The following CACNA1E variants were observed in gnomAD, a reference collection of about 807,000 sequenced individuals.
CACNA1E encodes the protein calcium voltage-gated channel subunit alpha1 E.
Under a neutral mutation model 259.2 loss-of-function variants are expected in CACNA1E, and 40 were observed. That is an observed-to-expected ratio of 0.15 (90% CI 0.12 to 0.20). The LOEUF is 0.20. Among genes scored for constraint, CACNA1E ranks in the 10% least tolerant of loss-of-function variants. The probability of loss-of-function intolerance (pLI) is 1.00; values close to 1 mark genes in which losing one functional copy is unlikely to be tolerated. For missense variants in CACNA1E, 1,874 were observed against 3,040.1 expected (o/e 0.62, Z 9.02); for synonymous variants, 1,104 against 1,138.5 (o/e 0.97, Z 0.61).
intron 3 of CACNA1E, among the ~76,000 whole-genome samples, chr1:181,571,224 A>G (rs1381729874): frequency 1.3e-5 from 2 of 152,222 alleles, no homozygotes; most frequent in African/African-American, 4.8e-5. Context: ...CCTGACAGCT[A>G]GTATAGGTGA....
intron 7 of CACNA1E, among the ~76,000 whole-genome samples, 182 bp from the exon 8 acceptor site, chr1:181,710,772 A>C (rs903314632): frequency 6.6e-6 from 1 of 152,190 alleles, no homozygotes; most frequent in African/African-American, 2.4e-5. Context: ...TGTGAGGCTG[A>C]ATGAGGTGTG....
chr1:181,701,798 G>C (rs138357769), intron 7 of CACNA1E, among the ~76,000 whole-genome samples: 1 of 152,320 alleles, frequency 6.6e-6, no homozygotes, highest in Non-Finnish European at 1.5e-5. Context: ...ACTTATGGGA[G>C]GGATTCATGA....
intron 3 of CACNA1E, among the ~76,000 whole-genome samples, chr1:181,556,390 C>T (rs1300494198): frequency 1.3e-5 from 2 of 152,212 alleles, no homozygotes; most frequent in Non-Finnish European, 2.9e-5. Flanking sequence ...ACAACCCCCT[C>T]TAGAGCAAGG....
In CACNA1E at chr1:181,741,065, T is replaced by C. The variant is rs568161899; in HGVS notation, c.3719+1812T>C. ...AGTTCCCTTTCATTTTACTAATTCA[T>C]TTGCATAGATTATTCACTGTATCAT... On this transcript the variant is annotated intron_variant, in intron 25 of 47. Transcript: ENST00000367573. 2.6e-5 allele frequency among the ~76,000 whole-genome samples: 4 copies of C among 152,364 alleles called. No homozygotes were observed. The South Asian group carries it at 6.2e-4, about 24-fold the overall frequency.
intron 1 of CACNA1E, among the ~76,000 whole-genome samples, chr1:181,350,537 C>T (rs538708586): frequency 3.3e-5 from 5 of 152,270 alleles, no homozygotes; most frequent in South Asian, 4.1e-4. Context: ...CACAAGGACT[C>T]GCAGAGCTCA....
At chr1:181,463,333 G>C (rs1661944695) in intron 2 of CACNA1E, among the ~76,000 whole-genome samples, 1 of 152,082 alleles carries the variant, frequency 6.6e-6, no homozygotes, top group Non-Finnish European at 1.5e-5. Flanking sequence ...GACTCTGGTT[G>C]ACTGAGGGTA....
At chr1:181,631,410 A>C (rs1387799511) in intron 6 of CACNA1E, among the ~76,000 whole-genome samples, 1 of 152,096 alleles carries the variant, frequency 6.6e-6, no homozygotes, top group Non-Finnish European at 1.5e-5. Context: ...TATGCCTTGA[A>C]TCCTTGCAGT....
At chr1:181,790,339 G>A (rs1661192063) in intron 43 of CACNA1E, 106 bp from the exon 44 acceptor site, 1 of 585,748 alleles carries the variant, frequency 1.7e-6, no homozygotes. Context: ...TAAGTTACTA[G>A]GTTTACAAAA....
rs1161320918 is a variant in CACNA1E at position 181,806,041 on chromosome 1, T to C, written c.*7207T>C. The stretch of plus-strand genomic sequence containing the variant: ...TTAAACTCACCTAGGGTAGTGGCTT[T>C]GAAGGCCTCAGAGGATTAATAGATT... On this transcript the variant is annotated 3_prime_UTR_variant, in exon 48 of 48. Transcript: ENST00000367573. 1 of 152,236 alleles carries C rather than the reference T, an allele frequency of 6.6e-6. No individual in the cohort carries two copies. The highest frequency in any genetic ancestry group is 2.4e-5 in the African/African-American group (1 of 41,450). 9.4% of individuals were successfully genotyped at this position (152,236 alleles called of 1,614,324 possible).
chr1:181,342,842 C>T (rs545228584), intron 1 of CACNA1E, among the ~76,000 whole-genome samples: 1 of 152,238 alleles, frequency 6.6e-6, no homozygotes, highest in South Asian at 2.1e-4. Context: ...TGGGTGCTTC[C>T]ACATGTGCTC....
chr1:181,424,897 C>T (rs571660787), intron 2 of CACNA1E, among the ~76,000 whole-genome samples: 28 of 152,228 alleles, frequency 1.8e-4, no homozygotes, highest in South Asian at 4.2e-4. Flanking sequence ...AATCAGTCCC[C>T]TCTCTCCCAC....
chr1:181,567,198 C>T (rs983800652), intron 3 of CACNA1E, among the ~76,000 whole-genome samples: 1 of 152,048 alleles, frequency 6.6e-6, no homozygotes, highest in African/African-American at 2.4e-5. Flanking sequence ...ATTATGAATG[C>T]CATTTTAAAT....
intron 38 of CACNA1E, among the ~76,000 whole-genome samples, chr1:181,778,204 T>A (rs1416183022): frequency 1.3e-5 from 2 of 152,192 alleles, no homozygotes; most frequent in Non-Finnish European, 2.9e-5. Context: ...ACAAAAGTAA[T>A]GTGAGCCAGT....
intron 1 of CACNA1E, among the ~76,000 whole-genome samples, chr1:181,341,008 T>G (rs376795126): frequency 6.6e-6 from 1 of 152,244 alleles, no homozygotes. Context: ...CTTGGCAGAT[T>G]AAGAAGCCCG....
chr1:181,545,819 A>AT (rs1647388805), intron 3 of CACNA1E, among the ~76,000 whole-genome samples: 1 of 151,956 alleles, frequency 6.6e-6, no homozygotes, highest in Non-Finnish European at 1.5e-5. Context: ...AAGATGATTT[A>AT]TTTTTTTCTT....
intron 32 of CACNA1E, among the ~76,000 whole-genome samples, chr1:181,759,458 A>G (rs1024066653): frequency 6.6e-6 from 1 of 150,620 alleles, no homozygotes; most frequent in African/African-American, 2.5e-5. Flanking sequence ...TCTGGAATTA[A>G]GTTTGAGGAG....
chr1:181,525,168 G>C (rs897333195), intron 3 of CACNA1E, among the ~76,000 whole-genome samples: 1 of 152,196 alleles, frequency 6.6e-6, no homozygotes, highest in Admixed American at 6.5e-5. Flanking sequence ...GAATAAATGT[G>C]CTCTACTCTG....
intron 44 of CACNA1E, among the ~76,000 whole-genome samples, chr1:181,791,123 T>TAACA (rs1006847704): frequency 2.6e-5 from 4 of 152,192 alleles, no homozygotes; most frequent in African/African-American, 9.6e-5. Flanking sequence ...AAAGACATTC[T>TAACA]AACAGGCCAC....
At position 181,490,524 on chromosome 1, in the gene CACNA1E, T is replaced by C. The variant is rs576356070; in HGVS notation, c.266+6514T>C. Among the ~76,000 whole-genome samples, 13 of 148,584 alleles carry C rather than the reference T, an allele frequency of 8.7e-5. No homozygotes were observed. In the East Asian group the frequency reaches 2.6e-3, roughly 30 times the overall value. ...TGAGGCTTCAGAGAGAGGCCCTGCC[T>C]GGCACCTGTGCCAAGCATGTTTTTT... On this transcript the variant is annotated intron_variant, in intron 1 of 47. Coordinates refer to ENST00000367573, the MANE Select transcript of CACNA1E (RefSeq NM_001205293.3).
Sources: allele counts gnomAD v4.1 joint callset (sites outside exome capture counted in the v4.1 genomes callset), GRCh38; gene constraint gnomAD v4.1.1; transcripts MANE v1.5; gene names NCBI Gene and HGNC (gene_info 2026-07-23, HGNC 2026-07-21).